Variants in CEP112 observed in about 807,000 individuals in gnomAD.
The protein encoded by CEP112 is centrosomal protein 112.
Under a neutral mutation model 153.0 loss-of-function variants are expected in CEP112, and 127 were observed. The ratio of observed to expected loss-of-function variants is 0.83; its 90% CI spans 0.72 to 0.96. CEP112 has a LOEUF of 0.96. Ranked by LOEUF, CEP112 falls within the 40% of genes least tolerant of loss-of-function variation. The pLI is 0.00. For missense variants in CEP112, 1,089 were observed against 1,101.2 expected (o/e 0.99, Z 0.16); for synonymous variants, 358 against 374.4 (o/e 0.96, Z 0.51).
chr17:65,808,250 C>T (rs2145883543), intron 21 of CEP112, among the ~76,000 whole-genome samples: 1 of 152,292 alleles, frequency 6.6e-6, no homozygotes, highest in South Asian at 2.1e-4. Flanking sequence ...GCAGCATTTA[C>T]CCAATGCTTG....
intron 12 of CEP112, among the ~76,000 whole-genome samples, chr17:66,031,975 T>C (rs1361527566): frequency 6.6e-6 from 1 of 152,112 alleles, no homozygotes; most frequent in Non-Finnish European, 1.5e-5. Context: ...CACAGAGAAG[T>C]GGGCACCACA....
chr17:66,112,514 A>T, intron 6 of CEP112, among the ~76,000 whole-genome samples: 1 of 152,210 alleles, frequency 6.6e-6, no homozygotes, highest in Admixed American at 6.5e-5. Flanking sequence ...AAAAATTTAC[A>T]ATAAAAATGT....
In CEP112 at chr17:65,975,434, T is replaced by C. The variant is rs576242580; in HGVS notation, c.1737-13836A>G. ...TGATATAAAAACACACATATGTAAATATATAAACAACATACACAAATATAT... is the reference window on the plus strand; with the variant it reads ...TGATATAAAAACACACATATGTAAACATATAAACAACATACACAAATATAT... On this transcript the variant is annotated intron_variant, in intron 17 of 26. Coordinates refer to ENST00000535342, the MANE Select transcript of CEP112 (RefSeq NM_001199165.4). Among the ~76,000 whole-genome samples, 4 of 152,252 alleles carry C rather than the reference T, an allele frequency of 2.6e-5. No homozygotes were observed. The East Asian group carries it at 7.7e-4, about 29-fold the overall frequency.
At chr17:66,090,069 T>C (rs1019713687) in intron 8 of CEP112, among the ~76,000 whole-genome samples, 14 of 152,066 alleles carry the variant, frequency 9.2e-5, no homozygotes, top group East Asian at 3.9e-4. Context: ...ACCAAGAATA[T>C]TGTGAGTGGC....
intron 18 of CEP112, among the ~76,000 whole-genome samples, chr17:65,953,571 G>A (rs2061906545): frequency 6.6e-6 from 1 of 152,146 alleles, no homozygotes; most frequent in African/African-American, 2.4e-5. Context: ...TCTCAACCCT[G>A]ATTGCCAGTT....
intron 20 of CEP112, among the ~76,000 whole-genome samples, chr17:65,869,305 G>T (rs1322174031): frequency 2.6e-5 from 4 of 152,152 alleles, no homozygotes; most frequent in African/African-American, 9.7e-5. Context: ...GTGCATGTGT[G>T]TTTTTCAACT....
intron 4 of CEP112, among the ~76,000 whole-genome samples, chr17:66,162,537 C>T (rs2159556): frequency 0.38 from 57,782 of 151,994 alleles, 11,728 homozygotes; most frequent in Non-Finnish European, 0.46. Flanking sequence ...ACCAAAAGTC[C>T]AACCATGGTA....
At chr17:65,747,704 G>T (rs1459688954) in intron 22 of CEP112, among the ~76,000 whole-genome samples, 1 of 152,158 alleles carries the variant, frequency 6.6e-6, no homozygotes, top group Non-Finnish European at 1.5e-5. Context: ...GGCGTGCCCA[G>T]AGATGATGCA....
At chr17:65,723,640 C>T (rs1401402980) in intron 23 of CEP112, among the ~76,000 whole-genome samples, 1 of 152,146 alleles carries the variant, frequency 6.6e-6, no homozygotes, top group Non-Finnish European at 1.5e-5. Context: ...AAAAATAATG[C>T]TTGTCTCTAA....
chr17:66,053,817 T>G lies in CEP112; in HGVS notation c.1137A>C (p.Glu379Asp). 6.2e-7 allele frequency: 1 copy of G among 1,613,056 alleles called. No homozygotes were observed. Among genetic ancestry groups the G allele is most frequent in the Non-Finnish European group, 8.5e-7 (1 of 1,179,370 alleles). ...EKFDLQKQHT[E>D]NIQELLEDTN... is the part of the protein sequence containing the mutation. ...TATCCTCAAGCAATTCTTGAATGTT[T>G]TCAGTGTGTTGCTTTTGAAGATCAA... is the stretch of plus-strand genomic sequence containing the variant. Residue 379 changes from glutamate (E) to aspartate (D), a missense_variant, in exon 12 of 27, where the codon GAA (glutamate) becomes GAC (aspartate). Glu to Asp is a conservative substitution (Grantham distance 45). Transcript: ENST00000535342.
chr17:66,152,156 T>C (rs756833474), intron 4 of CEP112, among the ~76,000 whole-genome samples: 1 of 152,148 alleles, frequency 6.6e-6, no homozygotes, highest in Non-Finnish European at 1.5e-5. Flanking sequence ...CATCTTTGTG[T>C]GTAGTGTGCT....
At chr17:66,119,435 T>C (rs993214372) in intron 6 of CEP112, among the ~76,000 whole-genome samples, 1 of 152,236 alleles carries the variant, frequency 6.6e-6, no homozygotes, top group Non-Finnish European at 1.5e-5. Context: ...TCCATTCTTA[T>C]AGTTTTACCA....
intron 5 of CEP112, among the ~76,000 whole-genome samples, chr17:66,131,021 T>C (rs929804965): frequency 1.3e-5 from 2 of 152,202 alleles, no homozygotes; most frequent in African/African-American, 4.8e-5. Context: ...CCAGAAAGTG[T>C]ATTTTAAAAT....
intron 21 of CEP112, among the ~76,000 whole-genome samples, chr17:65,799,635 C>T (rs1165886750): frequency 6.6e-6 from 1 of 152,206 alleles, no homozygotes; most frequent in Admixed American, 6.5e-5. Flanking sequence ...TAGGCAAGTC[C>T]TAAAGCAACT....
At chr17:65,948,734 G>T (rs2061724833) in intron 18 of CEP112, among the ~76,000 whole-genome samples, 1 of 152,028 alleles carries the variant, frequency 6.6e-6, no homozygotes, top group African/African-American at 2.4e-5. Context: ...TATTAAATGA[G>T]ATAAATGTTC....
At chr17:66,150,103 G>A (rs1230132419) in intron 4 of CEP112, among the ~76,000 whole-genome samples, 3 of 144,262 alleles carry the variant, frequency 2.1e-5, no homozygotes, top group Admixed American at 7.0e-5. Context: ...GGTTTCACCC[G>A]GTTAGCCAGG....
intron 12 of CEP112, among the ~76,000 whole-genome samples, chr17:66,049,487 C>T (rs1044481960): frequency 5.9e-5 from 9 of 152,156 alleles, no homozygotes; most frequent in Non-Finnish European, 1.3e-4. Flanking sequence ...CAGTGGTGCA[C>T]ACCTGTAATC....
chr17:66,171,771 A>C (rs1339314125), intron 4 of CEP112, among the ~76,000 whole-genome samples: 2 of 152,246 alleles, frequency 1.3e-5, no homozygotes, highest in Middle Eastern at 3.2e-3. Flanking sequence ...AATTGTAAAA[A>C]TAATCAAGTT....
intron 21 of CEP112, among the ~76,000 whole-genome samples, chr17:65,782,877 T>C (rs184446278): frequency 1.3e-5 from 2 of 152,156 alleles, no homozygotes; most frequent in Admixed American, 1.3e-4. Context: ...GCTCAGTAAC[T>C]GGGTGACAGG....
Sources: allele counts gnomAD v4.1 joint callset (sites outside exome capture counted in the v4.1 genomes callset), GRCh38; gene constraint gnomAD v4.1.1; transcripts MANE v1.5; gene names NCBI Gene and HGNC (gene_info 2026-07-23, HGNC 2026-07-21).